C2CD3: variants seen among roughly 807,000 people sequenced by gnomAD.
The protein encoded by C2CD3 is C2 domain-containing protein 3.
C2CD3 carries 148 observed loss-of-function variants against 234.0 expected under a neutral mutation model. The ratio of observed to expected loss-of-function variants is 0.63; its 90% CI spans 0.55 to 0.72. The LOEUF is 0.72. Ranked by LOEUF, C2CD3 falls within the 30% of genes least tolerant of loss-of-function variation. C2CD3 has a pLI of 0.00. For missense variants in C2CD3, 2,577 were observed against 2,811.5 expected (o/e 0.92, Z 1.89); for synonymous variants, 1,000 against 1,035.4 (o/e 0.97, Z 0.66).
intron 12 of C2CD3, 21 bp downstream of exon 12, chr11:74,109,013 G>T: frequency 7.5e-7 from 1 of 1,338,456 alleles, no homozygotes; most frequent in Non-Finnish European, 1.1e-6. Flanking sequence ...GTAAGGCAAA[G>T]GCCAAAATCA....
intron 15 of C2CD3, 65 bp downstream of exon 15, chr11:74,100,460 T>A: frequency 7.0e-7 from 1 of 1,437,352 alleles, no homozygotes; most frequent in Non-Finnish European, 9.4e-7. Context: ...ATCAAAAGAA[T>A]TCCTTTTCAG....
intron 27 of C2CD3, 116 bp downstream of exon 27, chr11:74,049,221 G>T: frequency 1.2e-6 from 1 of 816,294 alleles, no homozygotes; most frequent in Non-Finnish European, 2.0e-6. Flanking sequence ...GTTGTTATGA[G>T]ACACATATAG....
intron 24 of C2CD3, among the ~76,000 whole-genome samples, chr11:74,073,446 G>A (rs1191723707): frequency 6.6e-6 from 1 of 152,052 alleles, no homozygotes; most frequent in Non-Finnish European, 1.5e-5. Context: ...AATTAGCCAG[G>A]AGTGGTGGCA....
At chr11:74,097,906 T>C in intron 16 of C2CD3, 103 bp downstream of exon 16, 1 of 1,165,868 alleles carries the variant, frequency 8.6e-7, no homozygotes, top group Non-Finnish European at 1.2e-6. Context: ...TGTTCTTTTG[T>C]TGAGCCTTTC....
At chr11:74,166,291 T>C (rs1206821294) in intron 2 of C2CD3, among the ~76,000 whole-genome samples, 1 of 147,078 alleles carries the variant, frequency 6.8e-6, no homozygotes, top group South Asian at 2.1e-4. Context: ...CACTCCAGCC[T>C]GGGCAACAGA....
chr11:74,019,702 A>G (rs1036956336), intron 32 of C2CD3, among the ~76,000 whole-genome samples: 3 of 148,730 alleles, frequency 2.0e-5, no homozygotes, highest in Non-Finnish European at 4.4e-5. Context: ...TTTCAGACAC[A>G]GTTTCACTCT....
At chr11:74,163,569 T>C (rs1202320587) in intron 2 of C2CD3, among the ~76,000 whole-genome samples, 1 of 152,216 alleles carries the variant, frequency 6.6e-6, no homozygotes, top group Non-Finnish European at 1.5e-5. Context: ...GATGGTTTTA[T>C]AAGGGGCTTC....
At chr11:74,056,094 C>T (rs1953936594) in intron 25 of C2CD3, among the ~76,000 whole-genome samples, 1 of 152,176 alleles carries the variant, frequency 6.6e-6, no homozygotes, top group South Asian at 2.1e-4. Flanking sequence ...TGAGTTTTCA[C>T]TGCAGTTCTA....
intron 9 of C2CD3, among the ~76,000 whole-genome samples, chr11:74,116,927 C>G (rs1215109956): frequency 3.2e-5 from 3 of 93,170 alleles, no homozygotes; most frequent in East Asian, 2.9e-4. Flanking sequence ...TACATATACA[C>G]GTGTATATAC....
intron 3 of C2CD3, among the ~76,000 whole-genome samples, chr11:74,157,063 G>A (rs1383704851): frequency 6.6e-6 from 1 of 152,154 alleles, no homozygotes; most frequent in South Asian, 2.1e-4. Flanking sequence ...TCGATCATAT[G>A]CACATATGCA....
chr11:74,093,361 T>C (rs1955972518), intron 18 of C2CD3, among the ~76,000 whole-genome samples: 1 of 147,908 alleles, frequency 6.8e-6, no homozygotes, highest in Non-Finnish European at 1.5e-5. Context: ...TAAATTATAT[T>C]ATTAAATTAT....
At chr11:74,090,463 T>C (rs1308196235) in intron 20 of C2CD3, among the ~76,000 whole-genome samples, 2 of 152,050 alleles carry the variant, frequency 1.3e-5, no homozygotes, top group South Asian at 2.1e-4. Flanking sequence ...GCTGGAAAAA[T>C]AGGAGGTAGT....
chr11:74,013,677 C>T (rs1320590843), intron 32 of C2CD3, among the ~76,000 whole-genome samples, 152 bp from the exon 33 acceptor site: 1 of 152,202 alleles, frequency 6.6e-6, no homozygotes, highest in Non-Finnish European at 1.5e-5. Context: ...TTGCTTGACC[C>T]TTACCTCAAC....
chr11:74,045,577 C>CT (rs5792642), intron 28 of C2CD3, among the ~76,000 whole-genome samples: 20 of 144,668 alleles, frequency 1.4e-4, no homozygotes, highest in Admixed American at 3.4e-4. Context: ...TTTTTCTTTC[C>CT]TTTTTTTTTT....
chr11:74,116,943 TAC>T lies in C2CD3; in HGVS notation c.1520+1283_1520+1284del, dbSNP rs539889000. ...ACATATACACGTGTATATACACATATACACGTATATATGTGTATATACACATA... is the reference window on the plus strand; with the variant it reads ...ACATATACACGTGTATATACACATATACGTATATATGTGTATATACACATA... On this transcript the variant is annotated intron_variant, in intron 9 of 32. Transcript: ENST00000334126. 4.1e-3 allele frequency among the ~76,000 whole-genome samples: 460 copies of T among 111,558 alleles called. 23 individuals carry two copies. Among genetic ancestry groups the T allele is most frequent in the African/African-American group, 0.015 (352 of 24,204 alleles). 73.2% of individuals were successfully genotyped at this position (111,558 alleles called of 152,430 possible). A position where few individuals can be genotyped will look rare whatever the true frequency, so the allele number is the denominator to read the frequency against.
rs1219119047 is a variant in C2CD3 at position 74,057,440 on chromosome 11, C to G, written c.5056G>C (p.Asp1686His). 2 of 1,614,140 alleles carry G rather than the reference C, an allele frequency of 1.2e-6. No individual in the cohort carries two copies. Among genetic ancestry groups the G allele is most frequent in the East Asian group, 2.2e-5 (1 of 44,890 alleles). Residue 1686 changes from aspartate (D) to histidine (H), a missense_variant, in exon 25 of 33, where the codon GAT (aspartate) becomes CAT (histidine). Coordinates refer to ENST00000334126, the MANE Select transcript of C2CD3 (RefSeq NM_001286577.2). ...PVYTQVVENT[D>H]SPIWNFQQQS... ...TGTTGAAAATTCCAGATGGGGGAAT[C>G]TGTGTTTTCAACCACTTGGGTGTAT...
intron 20 of C2CD3, 140 bp downstream of exon 20, chr11:74,090,673 A>T: frequency 1.1e-6 from 1 of 926,024 alleles, no homozygotes; most frequent in Middle Eastern, 2.4e-4. Context: ...CATATTCTGA[A>T]ATGCTTTATT....
intron 30 of C2CD3, chr11:74,036,446 G>A (rs773522977): frequency 4.4e-6 from 2 of 456,038 alleles, no homozygotes; most frequent in Admixed American, 4.7e-5. Flanking sequence ...CAAACACAGA[G>A]CATTTATCTG....
At chr11:74,089,006 GGT>G (rs1456553533) in intron 20 of C2CD3, among the ~76,000 whole-genome samples, 2 of 151,974 alleles carry the variant, frequency 1.3e-5, no homozygotes, top group Non-Finnish European at 2.9e-5. Context: ...TCTATTCCAT[GGT>G]ATATCTTAGA....
Sources: allele counts gnomAD v4.1 joint callset (sites outside exome capture counted in the v4.1 genomes callset), GRCh38; gene constraint gnomAD v4.1.1; transcripts MANE v1.5; gene names NCBI Gene and HGNC (gene_info 2026-07-23, HGNC 2026-07-21).